The following CPLANE1 variants were observed in gnomAD, a reference collection of about 807,000 sequenced individuals.
CPLANE1 encodes ciliogenesis and planar polarity effector 1.
Under a neutral mutation model 362.5 loss-of-function variants are expected in CPLANE1, and 263 were observed. The observed-to-expected ratio is 0.73, with a 90% CI of 0.66 to 0.80. The LOEUF (loss-of-function observed/expected upper bound fraction) is 0.80. Ranked by LOEUF, CPLANE1 falls within the 30% of genes least tolerant of loss-of-function variation. The probability of loss-of-function intolerance (pLI) is 0.00; values close to 1 mark genes in which losing one functional copy is unlikely to be tolerated. For missense variants in CPLANE1, 3,461 were observed against 3,793.4 expected (o/e 0.91, Z 2.30); for synonymous variants, 1,212 against 1,302.6 (o/e 0.93, Z 1.50).
At chr5:37,077,588 TTGTGTG>T in the CPLANE1 span, among the ~76,000 whole-genome samples, 7 of 145,636 alleles carry the variant, frequency 4.8e-5, no homozygotes, top group East Asian at 2.0e-4. Context: ...ATCAAGAAAC[TTGTGTG>T]TGTGTGTGTG....
At chr5:37,177,007 C>T (rs754358972) in intron 30 of CPLANE1, among the ~76,000 whole-genome samples, 6 of 152,104 alleles carry the variant, frequency 3.9e-5, no homozygotes, top group Non-Finnish European at 5.9e-5. Flanking sequence ...ATCCACCCGC[C>T]TCGGCCTCCT....
At chr5:37,093,599 C>T in the CPLANE1 span, among the ~76,000 whole-genome samples, 2 of 152,304 alleles carry the variant, frequency 1.3e-5, no homozygotes, top group African/African-American at 4.8e-5. Flanking sequence ...CTTTGACTAG[C>T]AGAGAATGTT....
chr5:37,213,754 T>C (rs1039303967), intron 15 of CPLANE1, 22 bp from the exon 16 acceptor site: 3 of 1,407,734 alleles, frequency 2.1e-6, no homozygotes, highest in South Asian at 3.3e-5. Flanking sequence ...AGCAATGACC[T>C]AAGAAGATTG....
At chr5:37,124,760 G>T in intron 47 of CPLANE1, 1 of 352,174 alleles carries the variant, frequency 2.8e-6, no homozygotes, top group Non-Finnish European at 4.0e-6. Flanking sequence ...TCATGATATT[G>T]CCCAGGATGC....
chr5:37,174,482 C>G (rs922603447), intron 31 of CPLANE1, among the ~76,000 whole-genome samples: 7 of 151,810 alleles, frequency 4.6e-5, no homozygotes, highest in Non-Finnish European at 1.5e-5. Flanking sequence ...CCAAGCAAAC[C>G]TCAGAGTTTA....
chr5:37,180,742 T>C (rs981200697), intron 27 of CPLANE1, 115 bp downstream of exon 27: 102 of 916,048 alleles, frequency 1.1e-4, no homozygotes, highest in Non-Finnish European at 1.6e-4. Flanking sequence ...CCTGCTCCTC[T>C]ACTTCAAAAA....
At chr5:37,108,500 T>C in intron 51 of CPLANE1, 29 bp from the exon 52 acceptor site, 4 of 1,561,624 alleles carry the variant, frequency 2.6e-6, no homozygotes, top group Non-Finnish European at 3.5e-6. Flanking sequence ...AAAGCACACA[T>C]TGGGATTGAT....
chr5:37,245,401 C>T (rs1322973000), intron 4 of CPLANE1, 78 bp downstream of exon 4: 1 of 1,157,482 alleles, frequency 8.6e-7, no homozygotes, highest in Non-Finnish European at 1.1e-6. Context: ...ATTTTCAAGA[C>T]AGTAACAGAA....
At chr5:37,098,772 T>C in the CPLANE1 span, among the ~76,000 whole-genome samples, 1 of 146,116 alleles carries the variant, frequency 6.8e-6, no homozygotes. Context: ...AACAACATGC[T>C]CCTGAAAAAA....
At chr5:37,159,028 C>T (rs1776048544) in intron 38 of CPLANE1, among the ~76,000 whole-genome samples, 1 of 151,344 alleles carries the variant, frequency 6.6e-6, no homozygotes, top group Non-Finnish European at 1.5e-5. Flanking sequence ...TCGTGATCCG[C>T]CCGCCTCAGC....
rs1200845436 is a variant in CPLANE1 at position 37,190,438 on chromosome 5, C to T, written c.3812-2596G>A. ...GAAAAAAAAAAACAAAAAAACCAGG[C>T]CTGGTGGTGCACACCTGTAGTCCCA... On this transcript the variant is annotated intron_variant, in intron 21 of 52. Coordinates refer to ENST00000651892, the MANE Select transcript of CPLANE1 (RefSeq NM_001384732.1). 4.6e-5 allele frequency among the ~76,000 whole-genome samples: 7 copies of T among 151,136 alleles called. No homozygotes were observed. The East Asian group carries it at 1.4e-3, about 29-fold the overall frequency.
In CPLANE1 at chr5:37,122,416, G is replaced by A. The variant is rs1456396946; in HGVS notation, c.9017+14C>T. 6.2e-7 allele frequency: 1 copy of A among 1,609,228 alleles called. No individual in the cohort carries two copies. The highest frequency in any genetic ancestry group is 8.5e-7 in the Non-Finnish European group (1 of 1,176,196). On this transcript the variant is annotated intron_variant, in intron 48 of 52. Transcript: ENST00000651892. ...GTTAGAGAGAAAACACAGGGTTACAGCTACCAAACTCACCTGTCTTTTTCA... is the reference window on the plus strand; with the variant it reads ...GTTAGAGAGAAAACACAGGGTTACAACTACCAAACTCACCTGTCTTTTTCA...
chr5:37,205,281 C>A, intron 18 of CPLANE1, 34 bp downstream of exon 18: 1 of 1,490,476 alleles, frequency 6.7e-7, no homozygotes, highest in Non-Finnish European at 9.0e-7. Flanking sequence ...TTATATTAAT[C>A]TGACACGAAT....
In CPLANE1 at chr5:37,140,394, G is replaced by A. The variant is rs142771567; in HGVS notation, c.8633-1024C>T. On this transcript the variant is annotated intron_variant, in intron 44 of 52. Coordinates refer to ENST00000651892, the MANE Select transcript of CPLANE1 (RefSeq NM_001384732.1). ...CCTCCAAATCAAGGATTTTATTTTC[G>A]TTCTCAGAATCTGGGCATTTGTGGG... is the stretch of plus-strand genomic sequence containing the variant. 5.9e-4 allele frequency: 578 copies of A among 983,824 alleles called. 2 individuals are homozygous for A. The African/African-American group carries it at 9.6e-3, about 16-fold the overall frequency. 60.9% of individuals were successfully genotyped at this position (983,824 alleles called of 1,614,324 possible).
At chr5:37,163,114 T>C (rs1777303351) in intron 37 of CPLANE1, among the ~76,000 whole-genome samples, 2 of 152,194 alleles carry the variant, frequency 1.3e-5, no homozygotes, top group Admixed American at 1.3e-4. Flanking sequence ...GAAGATCCAG[T>C]AGAAGCTGTT....
At chr5:37,136,932 C>A (rs1436722206) in intron 46 of CPLANE1, among the ~76,000 whole-genome samples, 1 of 152,176 alleles carries the variant, frequency 6.6e-6, no homozygotes, top group African/African-American at 2.4e-5. Context: ...GGCCTCTGGG[C>A]CTGTGATGGG....
Position 37,170,290 on chromosome 5 carries a change from T to C in CPLANE1, c.6213A>G (p.Gly2071=), listed in dbSNP as rs750738731. 3 of 1,614,200 alleles carry C rather than the reference T, an allele frequency of 1.9e-6. No homozygotes were observed. Among genetic ancestry groups the C allele is most frequent in the Non-Finnish European group, 2.5e-6 (3 of 1,180,026 alleles). ...TATCTGGGAGATTAGCAAAGGATGA[T>C]CCTACTATTTGCATTAGGCTCATGA... ...INFMSLMQIV[G]SSFANLPDTQ... Residue 2071 remains glycine (G), a synonymous_variant, in exon 33 of 53, where the codon GGA becomes GGG. Transcript: ENST00000651892.
intron 6 of CPLANE1, among the ~76,000 whole-genome samples, chr5:37,241,135 CA>C (rs113875009): frequency 2.1e-5 from 3 of 145,202 alleles, no homozygotes; most frequent in African/African-American, 5.1e-5. Flanking sequence ...GACTCTGTCT[CA>C]AAAAAAAAAT....
chr5:37,247,548 C>A, intron 2 of CPLANE1, 70 bp downstream of exon 2: 1 of 1,334,790 alleles, frequency 7.5e-7, no homozygotes, highest in Non-Finnish European at 1.0e-6. Flanking sequence ...ATAGAACACT[C>A]CTATATTACA....
Sources: allele counts gnomAD v4.1 joint callset (sites outside exome capture counted in the v4.1 genomes callset), GRCh38; gene constraint gnomAD v4.1.1; transcripts MANE v1.5; gene names NCBI Gene and HGNC (gene_info 2026-07-23, HGNC 2026-07-21).